Variants in ZPBP observed in about 807,000 individuals in gnomAD.
ZPBP encodes the protein zona pellucida-binding protein 1.
A neutral mutation model predicts 44.8 loss-of-function variants in ZPBP; 26 were observed. The ratio of observed to expected loss-of-function variants is 0.58; its 90% CI spans 0.43 to 0.81. The LOEUF (loss-of-function observed/expected upper bound fraction) is 0.81, where lower values mean the gene tolerates loss of function less well. Ranked by LOEUF, ZPBP falls within the 30% of genes least tolerant of loss-of-function variation. The pLI is 0.00. For synonymous variants in ZPBP, 174 were observed against 153.2 expected, an observed-to-expected ratio of 1.14 and a Z score of -1.00; for missense variants, 409 against 434.0, an observed-to-expected ratio of 0.94 and a Z score of 0.51.
At chr7:50,026,216 G>A (rs1288346777) in intron 5 of ZPBP, among the ~76,000 whole-genome samples, 2 of 151,756 alleles carry the variant, frequency 1.3e-5, no homozygotes, top group African/African-American at 2.4e-5. Context: ...ATTATATTTT[G>A]ATAAAAGGGC....
At chr7:49,884,711 A>T (rs1176418301) in intron 2 of ZPBP, among the ~76,000 whole-genome samples, 2 of 152,212 alleles carry the variant, frequency 1.3e-5, no homozygotes, top group Non-Finnish European at 2.9e-5. Flanking sequence ...TGAGATTTAC[A>T]GCCCAAACTC....
At chr7:49,982,220 A>G (rs1398933028) in intron 7 of ZPBP, among the ~76,000 whole-genome samples, 2 of 97,946 alleles carry the variant, frequency 2.0e-5, no homozygotes, top group Non-Finnish European at 3.8e-5. Context: ...TATATAATGT[A>G]ATATATAATA....
intron 2 of ZPBP, among the ~76,000 whole-genome samples, chr7:49,871,651 C>A (rs1363461718): frequency 6.6e-6 from 1 of 151,590 alleles, no homozygotes; most frequent in Admixed American, 6.6e-5. Context: ...AATGGAATGT[C>A]ATGGAAAGAA....
the ZPBP span, among the ~76,000 whole-genome samples, chr7:49,844,316 A>G: frequency 2.0e-4 from 30 of 152,230 alleles, no homozygotes; most frequent in African/African-American, 6.3e-4. Context: ...TGCAGTATTT[A>G]CATTTGGAAA....
At chr7:50,014,305 C>G (rs1004114986) in intron 6 of ZPBP, among the ~76,000 whole-genome samples, 1 of 151,890 alleles carries the variant, frequency 6.6e-6, no homozygotes, top group Non-Finnish European at 1.5e-5. Flanking sequence ...ACATCCAGAA[C>G]AACCTTGACA....
chr7:50,021,601 G>T (rs1799095056), intron 5 of ZPBP, among the ~76,000 whole-genome samples: 1 of 152,066 alleles, frequency 6.6e-6, no homozygotes, highest in South Asian at 2.1e-4. Context: ...GTGGCAAAAA[G>T]AGTATTTGAA....
chr7:49,926,420 C>T (rs1004348038), intron 1 of ZPBP, among the ~76,000 whole-genome samples: 1 of 152,212 alleles, frequency 6.6e-6, no homozygotes, highest in East Asian at 1.9e-4. Context: ...TGCCCAAAGT[C>T]TTCAATCTTG....
intron 3 of ZPBP, among the ~76,000 whole-genome samples, chr7:50,071,340 C>G (rs988871387): frequency 6.6e-6 from 1 of 152,174 alleles, no homozygotes. Context: ...AGAGAATCAT[C>G]GATCCCAGCA....
intron 3 of ZPBP, among the ~76,000 whole-genome samples, chr7:50,066,981 C>T (rs578227908): frequency 6.6e-6 from 1 of 152,266 alleles, no homozygotes; most frequent in South Asian, 2.1e-4. Flanking sequence ...GTGACACCTG[C>T]AACTTTAACA....
chr7:50,034,829 C>T (rs1394046613), intron 4 of ZPBP, among the ~76,000 whole-genome samples: 1 of 152,212 alleles, frequency 6.6e-6, no homozygotes, highest in South Asian at 2.1e-4. Flanking sequence ...ATCCAAATCT[C>T]CCCAAAGCTA....
chr7:49,897,090 T>C (rs925798711), intron 2 of ZPBP, among the ~76,000 whole-genome samples: 3 of 151,578 alleles, frequency 2.0e-5, no homozygotes, highest in Admixed American at 6.6e-5. Flanking sequence ...AGAGACGGGG[T>C]TTCACCTTGT....
chr7:50,067,546 A>G (rs1004074548), intron 3 of ZPBP, among the ~76,000 whole-genome samples: 2 of 152,222 alleles, frequency 1.3e-5, no homozygotes, highest in African/African-American at 4.8e-5. Context: ...CTAGCTCAGC[A>G]GACTCCCTTT....
At chr7:50,082,718 C>A (rs1802429978) in intron 2 of ZPBP, among the ~76,000 whole-genome samples, 1 of 151,772 alleles carries the variant, frequency 6.6e-6, no homozygotes, top group South Asian at 2.1e-4. Flanking sequence ...TAGGTACATA[C>A]CCTTCCACAG....
intron 2 of ZPBP, among the ~76,000 whole-genome samples, chr7:49,852,510 T>C (rs563597635): frequency 5.4e-4 from 82 of 152,268 alleles, no homozygotes; most frequent in African/African-American, 1.9e-3. Context: ...ACCTTTATAC[T>C]TCTTAAAATT....
chr7:49,950,138 T>G (rs910058684), intron 7 of ZPBP, among the ~76,000 whole-genome samples: 8 of 151,854 alleles, frequency 5.3e-5, no homozygotes, highest in Non-Finnish European at 8.9e-5. Context: ...CCCTGATATA[T>G]TCACATAATG....
chr7:50,018,155 T>A, intron 6 of ZPBP, 85 bp downstream of exon 6: 1 of 1,011,024 alleles, frequency 9.9e-7, no homozygotes, highest in Admixed American at 1.8e-5. Context: ...TTCAACGTAT[T>A]TTATAAATAG....
intron 3 of ZPBP, among the ~76,000 whole-genome samples, chr7:50,071,019 TACAC>T (rs1801808173): frequency 6.6e-6 from 1 of 152,214 alleles, no homozygotes; most frequent in Admixed American, 6.5e-5. Flanking sequence ...TGGGTTTTCT[TACAC>T]ACAACTAAGT....
chr7:49,900,734 G>A (rs7807923), intron 2 of ZPBP, among the ~76,000 whole-genome samples: 116,074 of 151,680 alleles, frequency 0.77, 44,593 homozygotes, highest in East Asian at 0.89. Context: ...AAACATTTAA[G>A]GAAGAACTGA....
intron 7 of ZPBP, among the ~76,000 whole-genome samples, chr7:49,949,368 C>G (rs60062082): frequency 0.014 from 2,197 of 152,192 alleles, 62 homozygotes; most frequent in African/African-American, 0.05. Context: ...CAATAGCCAA[C>G]AGCTGGATGT....
Sources: allele counts gnomAD v4.1 joint callset (sites outside exome capture counted in the v4.1 genomes callset), GRCh38; gene constraint gnomAD v4.1.1; transcripts MANE v1.5; gene names NCBI Gene and HGNC (gene_info 2026-07-23, HGNC 2026-07-21).